SLC61A1: variants seen among roughly 807,000 people sequenced by gnomAD.
SLC61A1 encodes the protein solute carrier family 61 member 1, also known as major facilitator superfamily domain containing 5.
the SLC61A1 span, chr12:53,251,594 G>A: frequency 1.2e-6 from 1 of 841,058 alleles, no homozygotes; most frequent in Non-Finnish European, 1.8e-6. Flanking sequence ...ACACTGGGAA[G>A]TTATGCGGCT....
At chr12:53,253,649 C>G in the SLC61A1 span, 2 of 1,614,128 alleles carry the variant, frequency 1.2e-6, no homozygotes, top group Non-Finnish European at 8.5e-7. Context: ...CCTCTGGACA[C>G]CTGTGCTGGA....
At chr12:53,251,947 C>A in the SLC61A1 span, 1 of 1,536,982 alleles carries the variant, frequency 6.5e-7, no homozygotes, top group Non-Finnish European at 8.7e-7. Flanking sequence ...GGGATGGCAG[C>A]GAGCGAGGCC....
At chr12:53,252,068 G>C in the SLC61A1 span, 1 of 1,467,836 alleles carries the variant, frequency 6.8e-7, no homozygotes, top group Non-Finnish European at 8.9e-7. Flanking sequence ...GCGGGGCGGG[G>C]CGGGGTTTTG....
chr12:53,252,055 C>CGGGCG, the SLC61A1 span: 37 of 160,934 alleles, frequency 2.3e-4, no homozygotes, highest in Admixed American at 7.3e-4. Context: ...GGAGGGCGGG[C>CGGGCG]GGGCGGGGCG....
chr12:53,253,711 C>G, the SLC61A1 span: 2 of 1,613,924 alleles, frequency 1.2e-6, no homozygotes, highest in Non-Finnish European at 1.7e-6. Context: ...TGGCAGCCAG[C>G]CTGCTTGGCT....
At chr12:53,253,490 C>G in the SLC61A1 span, 12 of 1,614,166 alleles carry the variant, frequency 7.4e-6, no homozygotes, top group East Asian at 2.7e-4. Context: ...GGCCTTGGCC[C>G]TTCGAAACTG....
chr12:53,252,444 A>G, the SLC61A1 span: 3 of 1,289,758 alleles, frequency 2.3e-6, 1 homozygote, highest in East Asian at 1.1e-4. Flanking sequence ...AGAGGATGAG[A>G]CACTGAGGGC....
chr12:53,253,537 G>C, the SLC61A1 span: 8 of 1,614,164 alleles, frequency 5.0e-6, no homozygotes, highest in Non-Finnish European at 6.8e-6. Flanking sequence ...CCTTCTCAAG[G>C]ACCTGTGCTG....
At chr12:53,251,817 AACCCTTGGCTCTACCGG>A in the SLC61A1 span, 1 of 1,537,304 alleles carries the variant, frequency 6.5e-7, no homozygotes, top group Non-Finnish European at 8.7e-7. Context: ...AGGAAGCTCC[AACCCTTGGCTCTACCGG>A]ACTGCGGGCA....
the SLC61A1 span, chr12:53,251,987 T>G: frequency 7.7e-7 from 1 of 1,290,564 alleles, no homozygotes; most frequent in Non-Finnish European, 1.0e-6. Flanking sequence ...CAGCCTCCTA[T>G]GGTCGCCCCT....
At chr12:53,252,148 A>G in the SLC61A1 span, 3 of 1,437,758 alleles carry the variant, frequency 2.1e-6, no homozygotes, top group Middle Eastern at 2.6e-4. Context: ...TCCCGGAAGC[A>G]GGCTGTGAGG....
the SLC61A1 span, chr12:53,252,199 C>T: frequency 1.4e-6 from 2 of 1,417,846 alleles, no homozygotes; most frequent in Non-Finnish European, 1.8e-6. Flanking sequence ...GCCGGAGCCA[C>T]AGCGGGGAGG....
the SLC61A1 span, chr12:53,252,706 G>T: frequency 7.6e-7 from 1 of 1,322,100 alleles, no homozygotes; most frequent in Non-Finnish European, 1.0e-6. Context: ...CTGAGATCTT[G>T]GGGAGTGGAG....
chr12:53,253,713 T>G, the SLC61A1 span: 1 of 1,614,068 alleles, frequency 6.2e-7, no homozygotes, highest in South Asian at 1.1e-5. Flanking sequence ...GCAGCCAGCC[T>G]GCTTGGCTCT....
chr12:53,254,078 G>A, the SLC61A1 span: 1 of 1,614,240 alleles, frequency 6.2e-7, no homozygotes, highest in Non-Finnish European at 8.5e-7. Flanking sequence ...TTGCTCTGCT[G>A]TCATGGTGAT....
chr12:53,253,777 G>A, the SLC61A1 span: 1 of 1,614,144 alleles, frequency 6.2e-7, no homozygotes, highest in East Asian at 2.2e-5. Flanking sequence ...CCATGCACCT[G>A]CTGTCCCTTG....
chr12:53,253,948 G>C, the SLC61A1 span: 3 of 1,614,122 alleles, frequency 1.9e-6, no homozygotes, highest in Non-Finnish European at 2.5e-6. Context: ...TGATCCCTGA[G>C]ACAGAGCAGG....
chr12:53,253,930 G>A, the SLC61A1 span: 1 of 1,614,212 alleles, frequency 6.2e-7, no homozygotes, highest in Middle Eastern at 1.6e-4. Context: ...GCTTCCTACG[G>A]AGAAAGGTGA....
the SLC61A1 span, chr12:53,252,244 G>A: frequency 9.2e-6 from 13 of 1,408,404 alleles, no homozygotes; most frequent in Non-Finnish European, 1.2e-5. Flanking sequence ...CGTGTCCGGG[G>A]CGTCCCCGCA....
Sources: gnomAD v4.1 joint callset for allele counts on GRCh38, gnomAD v4.1.1 for gene constraint, MANE v1.5 for transcripts, NCBI Gene and HGNC (gene_info 2026-07-23, HGNC 2026-07-21) for gene names.